Variants in NXN observed in about 807,000 individuals in gnomAD.
NXN encodes the protein nucleoredoxin.
A neutral mutation model predicts 48.6 loss-of-function variants in NXN; 16 were observed. The ratio of observed to expected loss-of-function variants is 0.33; its 90% CI spans 0.22 to 0.50. The LOEUF is 0.50. Ranked by LOEUF, NXN falls within the 20% of genes least tolerant of loss-of-function variation. The pLI is 0.98. For synonymous variants in NXN, 281 were observed against 269.6 expected (o/e 1.04, Z -0.41); for missense variants, 492 against 605.5 (o/e 0.81, Z 1.97).
intron 4 of NXN, among the ~76,000 whole-genome samples, chr17:820,413 C>T (rs994441388): frequency 5.3e-5 from 8 of 151,224 alleles, no homozygotes; most frequent in East Asian, 2.0e-4. Flanking sequence ...AGATCGAGAC[C>T]GTCCTGGCTA....
intron 1 of NXN, among the ~76,000 whole-genome samples, chr17:905,798 G>A (rs2068576567): frequency 1.3e-5 from 2 of 151,784 alleles, no homozygotes; most frequent in South Asian, 2.1e-4. Flanking sequence ...GCAACAAAGC[G>A]AGACCCTATC....
At chr17:936,286 C>T (rs373704226) in intron 1 of NXN, among the ~76,000 whole-genome samples, 11 of 151,956 alleles carry the variant, frequency 7.2e-5, no homozygotes, top group African/African-American at 1.9e-4. Flanking sequence ...ACGTCCCCTG[C>T]GACAAAGCCT....
chr17:815,783 C>A (rs562820130), intron 5 of NXN, among the ~76,000 whole-genome samples: 1 of 152,226 alleles, frequency 6.6e-6, no homozygotes, highest in African/African-American at 2.4e-5. Flanking sequence ...GAACGTTTAA[C>A]GTGCCTCCGG....
chr17:932,058 C>T lies in NXN; in HGVS notation c.360+47261G>A, dbSNP rs1035812816. On this transcript the variant is annotated intron_variant, in intron 1 of 7. Transcript: ENST00000336868. This position sits in a 1 kb window ranked among gnomAD's most constrained non-coding sequence, Gnocchi z 4.1. ...AATGGGGAGGCTGAGGCAGGAGAAT[C>T]GCTTGAACCTGGGAGACGGAGGTTG... is the stretch of plus-strand genomic sequence containing the variant. 2.0e-5 allele frequency among the ~76,000 whole-genome samples: 3 copies of T among 147,732 alleles called. No individual in the cohort carries two copies. Among genetic ancestry groups the T allele is most frequent in the East Asian group, 2.0e-4 (1 of 4,908 alleles).
chr17:971,883 C>A (rs1035444915), intron 1 of NXN, among the ~76,000 whole-genome samples: 60 of 152,140 alleles, frequency 3.9e-4, no homozygotes, highest in Admixed American at 5.2e-4. Flanking sequence ...GAAAACACAT[C>A]CTGGCCGGGC....
chr17:945,826 T>C (rs926611465), intron 1 of NXN, among the ~76,000 whole-genome samples: 11 of 152,270 alleles, frequency 7.2e-5, no homozygotes, highest in African/African-American at 2.4e-4. Flanking sequence ...CAGAGTATTC[T>C]GCCCTTCACA....
chr17:925,822 G>A lies in NXN; in HGVS notation c.360+53497C>T, dbSNP rs377347522. 3.9e-5 allele frequency among the ~76,000 whole-genome samples: 6 copies of A among 152,224 alleles called. No homozygotes were observed. The South Asian group carries it at 6.2e-4, about 16-fold the overall frequency. On this transcript the variant is annotated intron_variant, in intron 1 of 7. Coordinates refer to ENST00000336868, the MANE Select transcript of NXN (RefSeq NM_022463.5). ...AGCAACTGCTAAAATGCTCACGAAC[G>A]TCCCTGTTCCCCAAGAAGTACATGG...
intron 1 of NXN, among the ~76,000 whole-genome samples, chr17:853,913 G>A (rs539440555): frequency 6.6e-6 from 1 of 151,504 alleles, no homozygotes; most frequent in African/African-American, 2.4e-5. Context: ...TTAGACACGG[G>A]GTTTCTCCAT....
At chr17:841,777 G>A (rs1914337368) in intron 1 of NXN, among the ~76,000 whole-genome samples, 1 of 152,146 alleles carries the variant, frequency 6.6e-6, no homozygotes, top group Admixed American at 6.5e-5. Flanking sequence ...TCTGGGTGCG[G>A]CAAAGGCACA....
chr17:810,193 G>A (rs746387428), intron 5 of NXN, among the ~76,000 whole-genome samples: 4,698 of 109,734 alleles, frequency 0.043, 628 homozygotes, highest in Middle Eastern at 0.062. Flanking sequence ...TGCATGTTAC[G>A]AGTCTGTGAG....
intron 1 of NXN, among the ~76,000 whole-genome samples, chr17:947,803 C>T (rs193055614): frequency 1.7e-4 from 25 of 147,272 alleles, no homozygotes; most frequent in Middle Eastern, 3.6e-3. Flanking sequence ...TTTGGGAGGC[C>T]GAGGCGAGCT....
rs1472596600 is a variant in NXN, at chr17:932,162, A to G, written c.360+47157T>C. ...CTATCTCAAAAATAAAACAAAACGA[A>G]CAATTTTAGAAATGTTTAATTATTT... On this transcript the variant is annotated intron_variant, in intron 1 of 7. Transcript: ENST00000336868. The surrounding 1 kb of genome is among the most constrained non-coding windows in gnomAD (Gnocchi z 4.1). 6.6e-6 allele frequency among the ~76,000 whole-genome samples: 1 copy of G among 152,200 alleles called. No individual in the cohort carries two copies. Among genetic ancestry groups the G allele is most frequent in the East Asian group, 1.9e-4 (1 of 5,200 alleles).
chr17:830,949 G>A lies in NXN; in HGVS notation c.361-4871C>T, dbSNP rs370456130. Among the ~76,000 whole-genome samples, 1 of 149,814 alleles carries A rather than the reference G, an allele frequency of 6.7e-6. No individual in the cohort carries two copies. The highest frequency in any genetic ancestry group is 2.1e-4 in the South Asian group (1 of 4,770). ...CGGGAGGCGGAGGTTGCTGTGAGCCGAGACTGAGCTATTGCACTCCAGCCT... is the reference window on the plus strand; with the variant it reads ...CGGGAGGCGGAGGTTGCTGTGAGCCAAGACTGAGCTATTGCACTCCAGCCT... On this transcript the variant is annotated intron_variant, in intron 1 of 7. Transcript: ENST00000336868. The surrounding 1 kb of genome is among the most constrained non-coding windows in gnomAD (Gnocchi z 4.2).
chr17:872,512 G>A (rs2068167603), intron 1 of NXN, among the ~76,000 whole-genome samples: 1 of 151,664 alleles, frequency 6.6e-6, no homozygotes, highest in African/African-American at 2.4e-5. Context: ...CCAGCCTATG[G>A]TGTTTAATCT....
intron 1 of NXN, among the ~76,000 whole-genome samples, chr17:879,122 G>A (rs1363291326): frequency 4.0e-5 from 6 of 151,844 alleles, no homozygotes; most frequent in East Asian, 2.0e-4. Flanking sequence ...CCAAGATCGC[G>A]CCATTGCACT....
chr17:834,138 G>A (rs1597643575), intron 1 of NXN, among the ~76,000 whole-genome samples: 1 of 152,158 alleles, frequency 6.6e-6, no homozygotes, highest in African/African-American at 2.4e-5. Context: ...TGGACAACAT[G>A]GTAAAACCCT....
intron 5 of NXN, among the ~76,000 whole-genome samples, chr17:815,584 C>T (rs375653211): frequency 2.5e-4 from 34 of 135,882 alleles, no homozygotes; most frequent in Middle Eastern, 9.1e-3. Flanking sequence ...GACTTCCATC[C>T]GTATGATGAG....
intron 1 of NXN, among the ~76,000 whole-genome samples, chr17:890,109 C>T (rs756862424): frequency 6.6e-6 from 1 of 151,892 alleles, no homozygotes; most frequent in Non-Finnish European, 1.5e-5. Context: ...TCAAGCATGC[C>T]GGCGTGAACT....
chr17:917,301 C>T lies in NXN; in HGVS notation c.360+62018G>A, dbSNP rs981511412. On this transcript the variant is annotated intron_variant, in intron 1 of 7. Transcript: ENST00000336868. This position sits in a 1 kb window ranked among gnomAD's most constrained non-coding sequence, Gnocchi z 4.5. Reference sequence around the variant, plus strand: ...GGACTACAGGCGCCCGCCACCATGCCCAGCTAATTTTTTGTATTTTTAGTA... The same window carrying T: ...GGACTACAGGCGCCCGCCACCATGCTCAGCTAATTTTTTGTATTTTTAGTA... Among the ~76,000 whole-genome samples the T allele has an allele frequency of 4.9e-4, 74 of 152,200 alleles. No individual in the cohort carries two copies. Among genetic ancestry groups the T allele is most frequent in the Non-Finnish European group, 1.0e-3 (68 of 68,042 alleles).
Sources: allele counts gnomAD v4.1 joint callset (sites outside exome capture counted in the v4.1 genomes callset), GRCh38; gene constraint gnomAD v4.1.1; non-coding constraint Gnocchi (gnomAD v3.1); transcripts MANE v1.5; gene names NCBI Gene and HGNC (gene_info 2026-07-23, HGNC 2026-07-21).